THSD7A: variants seen among roughly 807,000 people sequenced by gnomAD.
THSD7A encodes thrombospondin type 1 domain containing 7A.
A neutral mutation model predicts 231.3 loss-of-function variants in THSD7A; 96 were observed. The ratio of observed to expected loss-of-function variants is 0.41; its 90% CI spans 0.35 to 0.49. THSD7A has a LOEUF of 0.49. THSD7A is among the 20% of genes least tolerant of loss of function. THSD7A has a pLI of 0.05. For missense variants in THSD7A, 2,290 were observed against 2,070.2 expected (o/e 1.11, Z -2.06); for synonymous variants, 940 against 743.3 (o/e 1.26, Z -4.30).
intron 6 of THSD7A, among the ~76,000 whole-genome samples, chr7:11,519,215 T>A (rs1359770358): frequency 1.3e-5 from 2 of 152,130 alleles, no homozygotes; most frequent in Non-Finnish European, 2.9e-5. Context: ...GTAATCGCTT[T>A]GCAGATCACA....
intron 2 of THSD7A, among the ~76,000 whole-genome samples, chr7:11,603,326 A>G (rs1780616802): frequency 6.6e-6 from 1 of 151,770 alleles, no homozygotes; most frequent in Non-Finnish European, 1.5e-5. Flanking sequence ...AACCACAATG[A>G]GATACCATCT....
At chr7:11,763,029 A>G (rs1339668105) in intron 1 of THSD7A, among the ~76,000 whole-genome samples, 1 of 152,202 alleles carries the variant, frequency 6.6e-6, no homozygotes, top group East Asian at 1.9e-4. Context: ...TTTCTAACGT[A>G]TAAACTAAAA....
intron 6 of THSD7A, among the ~76,000 whole-genome samples, chr7:11,504,841 T>A (rs1266511463): frequency 3.9e-5 from 6 of 151,930 alleles, no homozygotes; most frequent in African/African-American, 9.7e-5. Context: ...CCTTTTTTTT[T>A]ATTGCATTTA....
intron 1 of THSD7A, among the ~76,000 whole-genome samples, chr7:11,736,769 T>A (rs962811507): frequency 6.6e-6 from 1 of 151,932 alleles, no homozygotes; most frequent in Non-Finnish European, 1.5e-5. Context: ...AGTGAAAAAC[T>A]GACTCTTTGA....
At chr7:11,673,853 G>A (rs937189585) in intron 1 of THSD7A, among the ~76,000 whole-genome samples, 4 of 152,068 alleles carry the variant, frequency 2.6e-5, no homozygotes, top group African/African-American at 9.7e-5. Context: ...GGTGGATATT[G>A]GAAAGAGATG....
chr7:11,668,527 CAG>C (rs1783245808), intron 1 of THSD7A, among the ~76,000 whole-genome samples: 4 of 111,054 alleles, frequency 3.6e-5, no homozygotes, highest in Non-Finnish European at 5.7e-5. Context: ...AAAAGAAAGA[CAG>C]AAAGAAAGAA....
intron 4 of THSD7A, among the ~76,000 whole-genome samples, chr7:11,578,217 C>T (rs923163119): frequency 2.6e-5 from 4 of 152,138 alleles, no homozygotes; most frequent in African/African-American, 4.8e-5. Flanking sequence ...AAAGTAAACA[C>T]GTAAACAAAA....
chr7:11,540,494 C>T (rs191415354), intron 6 of THSD7A, among the ~76,000 whole-genome samples: 3 of 152,348 alleles, frequency 2.0e-5, no homozygotes, highest in Non-Finnish European at 4.4e-5. Flanking sequence ...CAGGGTGTTT[C>T]TGCACATGCT....
At chr7:11,486,437 C>G (rs953398755) in intron 6 of THSD7A, among the ~76,000 whole-genome samples, 1 of 152,106 alleles carries the variant, frequency 6.6e-6, no homozygotes, top group Non-Finnish European at 1.5e-5. Flanking sequence ...ATCAGCAGCC[C>G]CACAGTTAGG....
At chr7:11,642,610 T>G (rs1274824161) in intron 1 of THSD7A, among the ~76,000 whole-genome samples, 4 of 152,162 alleles carry the variant, frequency 2.6e-5, no homozygotes, top group African/African-American at 9.6e-5. Context: ...CTGTTTTATA[T>G]GCCCAAAACT....
At chr7:11,617,226 G>A (rs181530952) in intron 2 of THSD7A, among the ~76,000 whole-genome samples, 1 of 152,202 alleles carries the variant, frequency 6.6e-6, no homozygotes, top group Non-Finnish European at 1.5e-5. Context: ...GAAACTGACA[G>A]GAAAAGTACA....
At chr7:11,772,201 G>T (rs1431523880) in intron 1 of THSD7A, among the ~76,000 whole-genome samples, 2 of 120,110 alleles carry the variant, frequency 1.7e-5, no homozygotes, top group East Asian at 2.1e-4. Flanking sequence ...TTATTAAAAA[G>T]TTAAAACAAA....
intron 6 of THSD7A, among the ~76,000 whole-genome samples, chr7:11,506,660 A>G (rs1787556278): frequency 6.6e-6 from 1 of 151,984 alleles, no homozygotes; most frequent in East Asian, 1.9e-4. Flanking sequence ...CCCTTATTCC[A>G]TTTCAGCTTT....
At chr7:11,651,356 A>T (rs1782494843) in intron 1 of THSD7A, among the ~76,000 whole-genome samples, 1 of 151,992 alleles carries the variant, frequency 6.6e-6, no homozygotes, top group Non-Finnish European at 1.5e-5. Context: ...CTAGAAATGG[A>T]TAGTGGTGAT....
intron 1 of THSD7A, among the ~76,000 whole-genome samples, chr7:11,778,480 C>G (rs1354934670): frequency 6.6e-6 from 1 of 151,988 alleles, no homozygotes; most frequent in African/African-American, 2.4e-5. Flanking sequence ...AAATAAAGCT[C>G]TATGTATTTA....
chr7:11,760,333 G>A (rs1782813619), intron 1 of THSD7A, among the ~76,000 whole-genome samples: 1 of 151,958 alleles, frequency 6.6e-6, no homozygotes, highest in Admixed American at 6.6e-5. Context: ...TTAATAGATA[G>A]TGCTTCAAAA....
At chr7:11,396,091 A>T (rs1308333981) in intron 23 of THSD7A, among the ~76,000 whole-genome samples, 4 of 151,796 alleles carry the variant, frequency 2.6e-5, no homozygotes. Context: ...AAGTTATTTG[A>T]AACCAATGAG....
intron 14 of THSD7A, among the ~76,000 whole-genome samples, chr7:11,427,208 C>A (rs1437831616): frequency 6.6e-6 from 1 of 152,172 alleles, no homozygotes; most frequent in African/African-American, 2.4e-5. Flanking sequence ...TTGTAGTAAA[C>A]ACCTATGTGA....
At chr7:11,771,866 C>A (rs1008279292) in intron 1 of THSD7A, among the ~76,000 whole-genome samples, 5 of 152,102 alleles carry the variant, frequency 3.3e-5, no homozygotes, top group African/African-American at 1.2e-4. Context: ...TGAGTGAATT[C>A]TCAGATCTGG....
Sources: gnomAD v4.1 joint callset for allele counts (sites outside exome capture counted in the v4.1 genomes callset) on GRCh38, gnomAD v4.1.1 for gene constraint, MANE v1.5 for transcripts, NCBI Gene and HGNC (gene_info 2026-07-23, HGNC 2026-07-21) for gene names.